LIG1: variants seen among roughly 807,000 people sequenced by gnomAD.
The protein encoded by LIG1 is DNA ligase 1.
Under a neutral mutation model 115.7 loss-of-function variants are expected in LIG1, and 70 were observed. That is an observed-to-expected ratio of 0.60 (90% CI 0.50 to 0.74). The LOEUF is 0.74. Ranked by LOEUF, LIG1 falls within the 30% of genes least tolerant of loss-of-function variation. LIG1 has a pLI of 0.00. For missense variants in LIG1, 1,115 were observed against 1,225.6 expected, an observed-to-expected ratio of 0.91 and a Z score of 1.35; for synonymous variants, 487 against 495.3, an observed-to-expected ratio of 0.98 and a Z score of 0.22.
At chr19:48,157,217 G>C in intron 4 of LIG1, 77 bp from the exon 5 acceptor site, 364 of 1,377,342 alleles carry the variant, frequency 2.6e-4, no homozygotes, top group Non-Finnish European at 3.0e-4. Flanking sequence ...GAGTAGAGGG[G>C]ACTGAAACCT....
At chr19:48,134,094 G>T in intron 16 of LIG1, 28 bp from the exon 17 acceptor site, 2 of 1,540,752 alleles carry the variant, frequency 1.3e-6, no homozygotes, top group South Asian at 1.2e-5. Flanking sequence ...AACAAGATAG[G>T]GGAAGCCTTT....
At chr19:48,123,495 GC>G in intron 21 of LIG1, 177 bp from the exon 22 acceptor site, 1 of 715,350 alleles carries the variant, frequency 1.4e-6, no homozygotes, top group Non-Finnish European at 2.3e-6. Context: ...AAAGCATGGG[GC>G]TAGTCACTGG....
chr19:48,121,355 G>C, intron 23 of LIG1, 33 bp from the exon 24 acceptor site: 1 of 1,566,896 alleles, frequency 6.4e-7, no homozygotes, highest in Non-Finnish European at 8.7e-7. Flanking sequence ...ATGAGAAGGG[G>C]GAGCGCCCAA....
At chr19:48,132,546 CT>C (rs531409656) in intron 18 of LIG1, among the ~76,000 whole-genome samples, 643 of 152,076 alleles carry the variant, frequency 4.2e-3, no homozygotes, top group Non-Finnish European at 7.6e-3. Flanking sequence ...AATCCCAGCA[CT>C]TTGGGAGGCT....
chr19:48,139,423 C>T (rs1599795558), intron 12 of LIG1, among the ~76,000 whole-genome samples: 2 of 152,276 alleles, frequency 1.3e-5, no homozygotes, highest in South Asian at 4.1e-4. Context: ...GGGTCCAGCT[C>T]CTCTTCCCCC....
At position 48,170,257 on chromosome 19, in the gene LIG1, G is replaced by A. The variant is rs775092686; in HGVS notation, c.-74C>T. On this transcript the variant is annotated 5_prime_UTR_variant, in exon 1 of 28. Coordinates refer to ENST00000263274, the MANE Select transcript of LIG1 (RefSeq NM_000234.3). ...CCCACTTGCCTTGCGTTGGTCCCGC[G>A]CGCCGCTGCCCGGGCAACACACTCA... is the stretch of plus-strand genomic sequence containing the variant. 4.4e-6 allele frequency: 2 copies of A among 455,258 alleles called. No individual in the cohort carries two copies. The highest frequency in any genetic ancestry group is 3.3e-4 in the Middle Eastern group (1 of 3,064). 28.2% of individuals were successfully genotyped at this position (455,258 alleles called of 1,614,324 possible).
In LIG1 at chr19:48,122,698, C is replaced by T. The variant is rs909848028; in HGVS notation, c.2232+236G>A. 6.6e-6 allele frequency among the ~76,000 whole-genome samples: 1 copy of T among 152,214 alleles called. No homozygotes were observed. The highest frequency in any genetic ancestry group is 2.4e-5 in the African/African-American group (1 of 41,450). On this transcript the variant is annotated intron_variant, in intron 23 of 27. Transcript: ENST00000263274. This position sits in a 1 kb window ranked among gnomAD's most constrained non-coding sequence, Gnocchi z 4.3. ...AGGAGAGAGACACCTCATCACGCTG[C>T]ACCTCGTGGGATGTGCGGTGCTTGG... is the stretch of plus-strand genomic sequence containing the variant.
At position 48,153,637 on chromosome 19, in the gene LIG1, A is replaced by AACACACAC. The variant is rs36171813; in HGVS notation, c.466+227_466+234dup. ...CAGGCCCCTGCCCTTGCAGATCCAA[A>AACACACAC]ACACACACACACACACACACACACA... On this transcript the variant is annotated intron_variant, in intron 6 of 27. Transcript: ENST00000263274. 6.5e-4 allele frequency among the ~76,000 whole-genome samples: 38 copies of AACACACAC among 58,782 alleles called. 1 individual carries two copies. Among genetic ancestry groups the AACACACAC allele is most frequent in the South Asian group, 1.6e-3 (2 of 1,216 alleles). The allele number at this position is 58,782 out of a possible 152,430, so 38.6% of individuals were successfully genotyped here.
At chr19:48,121,712 A>C (rs1353305963) in intron 23 of LIG1, among the ~76,000 whole-genome samples, 1 of 152,180 alleles carries the variant, frequency 6.6e-6, no homozygotes. Context: ...GAGGCAGGGG[A>C]ATCGCTTGAA....
intron 9 of LIG1, among the ~76,000 whole-genome samples, chr19:48,148,303 G>A (rs1401041410): frequency 3.3e-5 from 5 of 152,042 alleles, no homozygotes; most frequent in Non-Finnish European, 5.9e-5. Context: ...GTGAAACCCG[G>A]TCTCTACTAA....
intron 24 of LIG1, chr19:48,120,618 G>C (rs2033193367): frequency 1.1e-6 from 1 of 939,558 alleles, no homozygotes; most frequent in Middle Eastern, 5.5e-4. Context: ...CTTGCAGCTA[G>C]GGGTGAGCCA....
rs1370125052 is a variant in LIG1 at position 48,142,444 on chromosome 19, A to AAAAAAAAAAAAAAAAAC, written c.914+1098_914+1099insGTTTTTTTTTTTTTTTT. Among the ~76,000 whole-genome samples, 173 of 104,810 alleles carry AAAAAAAAAAAAAAAAAC rather than the reference A, an allele frequency of 1.7e-3. 11 individuals are homozygous for AAAAAAAAAAAAAAAAAC. The highest frequency in any genetic ancestry group is 7.9e-3 in the African/African-American group (163 of 20,532). The allele number at this position is 104,810 out of a possible 152,430, so 68.8% of individuals were successfully genotyped here. A position where few individuals can be genotyped will look rare whatever the true frequency, so the allele number is the denominator to read the frequency against. On this transcript the variant is annotated intron_variant, in intron 11 of 27. Transcript: ENST00000263274. ...GGCAACAGAGCAAGACTCCATCTCA[A>AAAAAAAAAAAAAAAAAC]AAAAAAAAAAAAACAGAGTGCTGGG...
rs1362889514 is a variant in LIG1, at chr19:48,149,856, A to G, written c.698-15T>C. On this transcript the variant is annotated splice_polypyrimidine_tract_variant and intron_variant, in intron 8 of 27. Transcript: ENST00000263274. ...CTTCCGGGGGGCTAGGAATGAAGAC[A>G]GAAAACAGTGGGTCTTTTCTCCTTC... The G allele has an allele frequency of 6.2e-7, 1 of 1,612,726 alleles. No individual in the cohort carries two copies. The highest frequency in any genetic ancestry group is 8.5e-7 in the Non-Finnish European group (1 of 1,179,308).
intron 7 of LIG1, 32 bp from the exon 8 acceptor site, chr19:48,150,242 A>T: frequency 6.2e-7 from 1 of 1,612,278 alleles, no homozygotes; most frequent in Non-Finnish European, 8.5e-7. Flanking sequence ...GGTGATGCAA[A>T]CTCTTTGACC....
chr19:48,156,291 CT>C (rs1468038617), intron 5 of LIG1, among the ~76,000 whole-genome samples: 1 of 137,942 alleles, frequency 7.2e-6, no homozygotes, highest in Non-Finnish European at 1.7e-5. Flanking sequence ...GTTAGCCTCT[CT>C]TCTGGAAGTC....
At chr19:48,141,163 G>A (rs573733197) in intron 11 of LIG1, among the ~76,000 whole-genome samples, 147 of 152,218 alleles carry the variant, frequency 9.7e-4, no homozygotes, top group African/African-American at 3.2e-3. Context: ...TTTTTGAGAC[G>A]GAGTCTCGCT....
In LIG1 at chr19:48,137,032, T is replaced by C; in HGVS notation, c.1307A>G (p.His436Arg). Reference protein sequence around the residue: ...IIKGLFVACRHSEARFIARSL... With the variant: ...IIKGLFVACRRSEARFIARSL... Reference sequence around the variant, plus strand: ...CCTAGCGATGAACCGGGCTTCTGAGTGGCGGCAGGCCACAAAGAGGCCTTT... The same window carrying C: ...CCTAGCGATGAACCGGGCTTCTGAGCGGCGGCAGGCCACAAAGAGGCCTTT... The change falls in exon 14 of 28, where the codon CAC becomes CGC. Residue 436 changes from histidine to arginine, a missense_variant. Transcript: ENST00000263274. The surrounding 1 kb of genome is among the most constrained non-coding windows in gnomAD (Gnocchi z 4.3). 1 of 1,612,218 alleles carries C rather than the reference T, an allele frequency of 6.2e-7. No homozygotes were observed. The highest frequency in any genetic ancestry group is 8.5e-7 in the Non-Finnish European group (1 of 1,179,480).
In LIG1 at chr19:48,143,832, C is replaced by A. The variant is rs371181442; in HGVS notation, c.857+51G>T. ...ACCAAGACTCTGCTTAGAGAGCCTC[C>A]GGTGGCAACAGGGACCGGAGGGGGA... On this transcript the variant is annotated intron_variant, in intron 10 of 27. Transcript: ENST00000263274. The A allele has an allele frequency of 1.4e-5, 21 of 1,482,676 alleles. No homozygotes were observed. The African/African-American group carries it at 2.9e-4, about 21-fold the overall frequency. 91.8% of individuals were successfully genotyped at this position (1,482,676 alleles called of 1,614,324 possible).
intron 16 of LIG1, among the ~76,000 whole-genome samples, 187 bp from the exon 17 acceptor site, chr19:48,134,253 G>A (rs41540714): frequency 0.015 from 2,300 of 152,250 alleles, 30 homozygotes; most frequent in Non-Finnish European, 0.024. Context: ...CTGTTGCTTT[G>A]TCTCCCTTAG....
Sources: gnomAD v4.1 joint callset for allele counts (sites outside exome capture counted in the v4.1 genomes callset) on GRCh38, gnomAD v4.1.1 for gene constraint, Gnocchi (gnomAD v3.1) non-coding constraint, MANE v1.5 for transcripts, NCBI Gene and HGNC (gene_info 2026-07-23, HGNC 2026-07-21) for gene names.